Variants in ADGRD1 observed in about 807,000 individuals in gnomAD.
ADGRD1 encodes adhesion G protein-coupled receptor D1, also known as G-protein coupled receptor 133.
ADGRD1 carries 77 observed loss-of-function variants against 113.4 expected under a neutral mutation model. The ratio of observed to expected loss-of-function variants is 0.68; its 90% CI spans 0.57 to 0.82. ADGRD1 has a LOEUF of 0.82. Among genes scored for constraint, ADGRD1 ranks in the 40% least tolerant of loss-of-function variants. The pLI is 0.00. For synonymous variants in ADGRD1, 474 were observed against 475.0 expected, an observed-to-expected ratio of 1.00 and a Z score of 0.03; for missense variants, 1,036 against 1,139.1, an observed-to-expected ratio of 0.91 and a Z score of 1.30.
intron 13 of ADGRD1, among the ~76,000 whole-genome samples, chr12:131,025,112 C>T (rs987185756): frequency 1.3e-5 from 2 of 152,140 alleles, no homozygotes; most frequent in Non-Finnish European, 2.9e-5. Context: ...AAAAAGAAAG[C>T]GTGGATTAAA....
chr12:131,068,128 C>T (rs1884869088), intron 13 of ADGRD1, among the ~76,000 whole-genome samples: 2 of 152,224 alleles, frequency 1.3e-5, no homozygotes, highest in Admixed American at 1.3e-4. Flanking sequence ...CCAGATCGGT[C>T]ACCATGGGGA....
intron 12 of ADGRD1, among the ~76,000 whole-genome samples, chr12:131,011,571 C>T (rs952879254): frequency 2.6e-5 from 4 of 152,026 alleles, no homozygotes; most frequent in Non-Finnish European, 4.4e-5. Flanking sequence ...GCATCCGGGC[C>T]CCAGGGGAAT....
Position 131,139,325 on chromosome 12 carries a change from A to G in ADGRD1, c.*62A>G. The G allele has an allele frequency of 3.4e-6, 4 of 1,173,456 alleles. No individual in the cohort carries two copies. The highest frequency in any genetic ancestry group is 5.0e-6 in the Non-Finnish European group (4 of 805,230). The allele number at this position is 1,173,456 out of a possible 1,614,324, so 72.7% of individuals were successfully genotyped here. A position where few individuals can be genotyped will look rare whatever the true frequency, so the allele number is the denominator to read the frequency against. On this transcript the variant is annotated 3_prime_UTR_variant, in exon 25 of 25. Coordinates refer to ENST00000261654, the MANE Select transcript of ADGRD1 (RefSeq NM_198827.5). ...AACACACCCCCCCAAACAGAATGAAATGCCCCACCTTTGCCCATGGACCCT... is the reference window on the plus strand; with the variant it reads ...AACACACCCCCCCAAACAGAATGAAGTGCCCCACCTTTGCCCATGGACCCT...
rs1167183103 is a variant in ADGRD1 at position 131,057,707 on chromosome 12, T to C, written c.1474-19094T>C. The stretch of plus-strand genomic sequence containing the variant: ...CACAGTCTCATCTTCAACGTTACAT[T>C]AATGACATCTGCAAGGACCCCATTT... On this transcript the variant is annotated intron_variant, in intron 13 of 24. Transcript: ENST00000261654. This position sits in a 1 kb window ranked among gnomAD's most constrained non-coding sequence, Gnocchi z 4.2. 6.6e-6 allele frequency among the ~76,000 whole-genome samples: 1 copy of C among 152,140 alleles called. No homozygotes were observed. The highest frequency in any genetic ancestry group is 1.5e-5 in the Non-Finnish European group (1 of 68,016).
intron 15 of ADGRD1, among the ~76,000 whole-genome samples, chr12:131,097,969 C>T (rs1307111591): frequency 1.3e-5 from 2 of 152,210 alleles, no homozygotes; most frequent in African/African-American, 4.8e-5. Context: ...CAGCCTCCTG[C>T]CTGGGCTCCT....
chr12:131,093,853 G>A (rs2398547), intron 15 of ADGRD1, among the ~76,000 whole-genome samples: 49,710 of 152,148 alleles, frequency 0.33, 9,466 homozygotes, highest in East Asian at 0.74. Flanking sequence ...CAGTTTCCCC[G>A]CTGTGACATG....
rs71451389 is a variant in ADGRD1, at chr12:130,955,123, C to CTTTTTTTTTTTTTTTTTTTTTTTT, written c.103+476_103+477insTTTTTTTTTTTTTTTTTTTTTTTT. Among the ~76,000 whole-genome samples the CTTTTTTTTTTTTTTTTTTTTTTTT allele has an allele frequency of 1.1e-3, 106 of 99,666 alleles. 9 individuals carry two copies. Among genetic ancestry groups the CTTTTTTTTTTTTTTTTTTTTTTTT allele is most frequent in the African/African-American group, 2.6e-3 (60 of 23,110 alleles). The allele number at this position is 99,666 out of a possible 152,430, so 65.4% of individuals were successfully genotyped here. A position where few individuals can be genotyped will look rare whatever the true frequency, so the allele number is the denominator to read the frequency against. On this transcript the variant is annotated intron_variant, in intron 2 of 24. Coordinates refer to ENST00000261654, the MANE Select transcript of ADGRD1 (RefSeq NM_198827.5). ...CACAGGTGTGCACCACTACACCCAG[C>CTTTTTTTTTTTTTTTTTTTTTTTT]TTTTTTTTTTTTTGTATTTTTAGTA...
At chr12:131,087,482 T>A (rs1461471024) in intron 15 of ADGRD1, among the ~76,000 whole-genome samples, 1 of 152,174 alleles carries the variant, frequency 6.6e-6, no homozygotes, top group Non-Finnish European at 1.5e-5. Flanking sequence ...ACGAAGCAAG[T>A]GGAACTGCCA....
chr12:131,061,467 C>A (rs1309457635), intron 13 of ADGRD1, among the ~76,000 whole-genome samples: 1 of 152,198 alleles, frequency 6.6e-6, no homozygotes, highest in Non-Finnish European at 1.5e-5. Flanking sequence ...CTTGTGTTTC[C>A]CCCAGCTAGA....
intron 12 of ADGRD1, among the ~76,000 whole-genome samples, chr12:131,007,884 G>A (rs950148284): frequency 1.9e-5 from 2 of 106,438 alleles, no homozygotes; most frequent in African/African-American, 5.8e-5. Context: ...AAATTCACCT[G>A]GAAAAAAATC....
At chr12:131,032,320 C>T (rs1326831502) in intron 13 of ADGRD1, among the ~76,000 whole-genome samples, 1 of 152,212 alleles carries the variant, frequency 6.6e-6, no homozygotes, top group African/African-American at 2.4e-5. Context: ...CCACTCGCGA[C>T]CCCGCCTAGA....
rs1220032463 is a variant in ADGRD1, at chr12:131,075,944, G to C, written c.1474-857G>C. ...TCCATCAGACACCATTTATCCCGGA[G>C]CCATGCCACCTCTGAGCAGCCCTGG... On this transcript the variant is annotated intron_variant, in intron 13 of 24. Transcript: ENST00000261654. This position sits in a 1 kb window ranked among gnomAD's most constrained non-coding sequence, Gnocchi z 5.3. Among the ~76,000 whole-genome samples, 3 of 152,166 alleles carry C rather than the reference G, an allele frequency of 2.0e-5. No homozygotes were observed. The highest frequency in any genetic ancestry group is 7.2e-5 in the African/African-American group (3 of 41,438).
rs551307866 is a variant in ADGRD1 at position 131,108,943 on chromosome 12, G to C, written c.2041+66G>C. On this transcript the variant is annotated intron_variant, in intron 18 of 24. Transcript: ENST00000261654. ...ACAGGAAGAGACAGGTGGGGATGGG[G>C]CAGGTAGGACAGGATGAGACAGGTG... 5.0e-4 allele frequency: 446 copies of C among 891,598 alleles called. 1 individual carries two copies. The highest frequency in any genetic ancestry group is 2.6e-3 in the Middle Eastern group (10 of 3,810). The allele number at this position is 891,598 out of a possible 1,614,324, so 55.2% of individuals were successfully genotyped here.
intron 13 of ADGRD1, among the ~76,000 whole-genome samples, chr12:131,044,111 T>G (rs1156981232): frequency 1.3e-5 from 2 of 152,152 alleles, no homozygotes; most frequent in Non-Finnish European, 2.9e-5. Context: ...TAGAGTGAAC[T>G]GAATCTCTAC....
chr12:131,097,505 G>A (rs550071232), intron 15 of ADGRD1, among the ~76,000 whole-genome samples: 1 of 152,364 alleles, frequency 6.6e-6, no homozygotes, highest in South Asian at 2.1e-4. Context: ...GCCAGCAACT[G>A]GACCCAGCCC....
chr12:131,093,162 C>A (rs1022511180), intron 15 of ADGRD1, among the ~76,000 whole-genome samples: 2 of 152,154 alleles, frequency 1.3e-5, no homozygotes, highest in African/African-American at 2.4e-5. Flanking sequence ...TGGGTTAGAA[C>A]TGTGGGAGGG....
At position 131,003,226 on chromosome 12, in the gene ADGRD1, C is replaced by G; in HGVS notation, c.1068C>G (p.Thr356=). The change falls in exon 10 of 25, where the codon ACC becomes ACG. Residue 356 remains threonine (T), a synonymous_variant. Coordinates refer to ENST00000261654, the MANE Select transcript of ADGRD1 (RefSeq NM_198827.5). This position sits in a 1 kb window ranked among gnomAD's most constrained non-coding sequence, Gnocchi z 4.8. ...VVLSLIDTID[T]VMGHVSSNLH... ...TGAGTCTCATCGACACTATTGACAC[C>G]GTCATGGGCCATGTATCCTCCAACC... 1 of 1,614,074 alleles carries G rather than the reference C, an allele frequency of 6.2e-7. No individual in the cohort carries two copies. Among genetic ancestry groups the G allele is most frequent in the East Asian group, 2.2e-5 (1 of 44,874 alleles).
Position 131,084,668 on chromosome 12 carries a change from G to T in ADGRD1, c.1671+5G>T, listed in dbSNP as rs1487570099. 1 of 1,613,858 alleles carries T rather than the reference G, an allele frequency of 6.2e-7. No individual in the cohort carries two copies. Among genetic ancestry groups the T allele is most frequent in the African/African-American group, 1.3e-5 (1 of 75,044 alleles). On this transcript the variant is annotated splice_donor_5th_base_variant and intron_variant, in intron 15 of 24. Transcript: ENST00000261654. This position sits in a 1 kb window ranked among gnomAD's most constrained non-coding sequence, Gnocchi z 4.5. ...ATGCAGGTGGTCCCGCTGGAGGTAA[G>T]AGCCAGGCCTCAGGGGTCGCGGGAC...
intron 8 of ADGRD1, among the ~76,000 whole-genome samples, chr12:130,997,977 G>A (rs1040913584): frequency 4.6e-5 from 7 of 152,162 alleles, no homozygotes; most frequent in South Asian, 2.1e-4. Context: ...TGAGGCTGGC[G>A]GATCACTCGC....
Sources: allele counts gnomAD v4.1 joint callset (sites outside exome capture counted in the v4.1 genomes callset), GRCh38; gene constraint gnomAD v4.1.1; non-coding constraint Gnocchi (gnomAD v3.1); transcripts MANE v1.5; gene names NCBI Gene and HGNC (gene_info 2026-07-23, HGNC 2026-07-21).